HPRT1: variants seen among roughly 807,000 people sequenced by gnomAD.
The protein encoded by HPRT1 is hypoxanthine-guanine phosphoribosyltransferase.
In HPRT1, 4 loss-of-function variants were observed where a neutral mutation model predicts 19.0. That is an observed-to-expected ratio of 0.21 (90% CI 0.10 to 0.48). HPRT1 has a LOEUF of 0.48. Ranked by LOEUF, HPRT1 falls within the 20% of genes least tolerant of loss-of-function variation. The pLI is 0.98. For synonymous variants in HPRT1, 53 were observed against 54.9 expected (o/e 0.97, Z 0.15); for missense variants, 65 against 164.0 (o/e 0.40, Z 3.30).
At chrX:134,471,473 C>G (rs1163068931) in intron 1 of HPRT1, among the ~76,000 whole-genome samples, 2 of 111,087 alleles carry the variant, frequency 1.8e-5, no homozygotes, top group Non-Finnish European at 3.8e-5. Flanking sequence ...ATTAGAGTAT[C>G]TTTTATGATG....
At chrX:134,466,314 A>G (rs1276506912) in intron 1 of HPRT1, among the ~76,000 whole-genome samples, 1 of 108,044 alleles carries the variant, frequency 9.3e-6, no homozygotes, top group Non-Finnish European at 1.9e-5. Context: ...GCTACTCGGG[A>G]GGGTGAGGCA....
intron 1 of HPRT1, among the ~76,000 whole-genome samples, chrX:134,465,418 A>G (rs1260707567): frequency 9.0e-6 from 1 of 111,557 alleles, no homozygotes; most frequent in Admixed American, 9.6e-5. Flanking sequence ...GACGTGCATA[A>G]TTATTAGTAA....
At chrX:134,475,959 C>T (rs887565394) in intron 3 of HPRT1, among the ~76,000 whole-genome samples, 1 of 111,916 alleles carries the variant, frequency 8.9e-6, no homozygotes, top group Admixed American at 9.5e-5. Context: ...TAGTGAATTT[C>T]ATTCATAATT....
intron 2 of HPRT1, 97 bp downstream of exon 2, chrX:134,473,562 G>T: frequency 1.9e-6 from 1 of 535,554 alleles, no homozygotes; most frequent in South Asian, 2.6e-5. Flanking sequence ...ACATAAACTA[G>T]GCCAACTTAT....
At chrX:134,480,591 G>A (rs1243434146) in intron 3 of HPRT1, among the ~76,000 whole-genome samples, 3 of 102,468 alleles carry the variant, frequency 2.9e-5, no homozygotes, top group East Asian at 6.3e-4. Flanking sequence ...CTACAAGTGC[G>A]TGCCATCACC....
At chrX:134,482,364 A>G (rs148109826) in intron 3 of HPRT1, among the ~76,000 whole-genome samples, 177 of 112,430 alleles carry the variant, frequency 1.6e-3, no homozygotes, top group African/African-American at 5.4e-3. Context: ...AGAAAATACC[A>G]GGTTTTTAAG....
Position 134,500,016 on chromosome X carries a change from ATT to A in HPRT1, c.610-6_610-5del, listed in dbSNP as rs749375059. 2 of 1,101,945 alleles carry A rather than the reference ATT, an allele frequency of 1.8e-6. No homozygotes were observed. Among genetic ancestry groups the A allele is most frequent in the Admixed American group, 4.4e-5 (2 of 45,413 alleles). The allele number at this position is 1,101,945 out of a possible 1,213,427, so 90.8% of individuals were successfully genotyped here. A position where few individuals can be genotyped will look rare whatever the true frequency, so the allele number is the denominator to read the frequency against. ...ATACTTTTTAAATGTGAATTTCTGGATTTTTTTTTATAGCATGTTTGTGTCAT... is the reference window on the plus strand; with the variant it reads ...ATACTTTTTAAATGTGAATTTCTGGATTTTTTTATAGCATGTTTGTGTCAT... On this transcript the variant is annotated splice_polypyrimidine_tract_variant and intron_variant, in intron 8 of 8. Coordinates refer to ENST00000298556, the MANE Select transcript of HPRT1 (RefSeq NM_000194.3).
chrX:134,481,503 ATCTCTATC>A (rs757947607), intron 3 of HPRT1, among the ~76,000 whole-genome samples: 4 of 85,303 alleles, frequency 4.7e-5, no homozygotes, highest in African/African-American at 8.9e-5. Flanking sequence ...CTATCTGTCT[ATCTCTATC>A]TATCTATCTA....
intron 1 of HPRT1, among the ~76,000 whole-genome samples, chrX:134,467,041 C>CT (rs779817345): frequency 0.27 from 16,240 of 60,651 alleles, 3,240 homozygotes; most frequent in East Asian, 0.34. Context: ...AGATTTTAAG[C>CT]TTTTTTTTTT....
chrX:134,499,630 C>G (rs1014463772), intron 8 of HPRT1, among the ~76,000 whole-genome samples: 3 of 110,419 alleles, frequency 2.7e-5, no homozygotes, highest in African/African-American at 9.9e-5. Context: ...CGGTGAAACC[C>G]CGTCTCTACT....
chrX:134,471,137 A>G (rs1287016365), intron 1 of HPRT1, among the ~76,000 whole-genome samples: 2 of 110,063 alleles, frequency 1.8e-5, no homozygotes, highest in East Asian at 2.8e-4. Flanking sequence ...TTATATGTAT[A>G]TATAAAAACG....
At chrX:134,490,531 G>C (rs2077663723) in intron 5 of HPRT1, among the ~76,000 whole-genome samples, 1 of 102,862 alleles carries the variant, frequency 9.7e-6, no homozygotes, top group Non-Finnish European at 2.0e-5. Flanking sequence ...CTTAGATTTT[G>C]TCTTATGTAA....
In HPRT1 at chrX:134,475,307, A is replaced by G; in HGVS notation, c.261A>G (p.Arg87=). 1.7e-6 allele frequency: 2 copies of G among 1,198,591 alleles called. No individual in the cohort carries two copies. Among genetic ancestry groups the G allele is most frequent in the South Asian group, 3.5e-5 (2 of 56,714 alleles). The change falls in exon 3 of 9, where the codon AGA becomes AGG. Residue 87 remains arginine, a synonymous_variant. Transcript: ENST00000298556. The part of the protein sequence containing the change: ...DLLDYIKALN[R]NSDRSIPMTV... ...TGGATTACATCAAAGCACTGAATAGAAATAGTGATAGATCCATTCCTATGA... is the reference window on the plus strand; with the variant it reads ...TGGATTACATCAAAGCACTGAATAGGAATAGTGATAGATCCATTCCTATGA...
chrX:134,493,461 A>C, intron 5 of HPRT1, 47 bp from the exon 6 acceptor site: 1 of 917,910 alleles, frequency 1.1e-6, no homozygotes, highest in Non-Finnish European at 1.6e-6. Flanking sequence ...GGTACTTTAT[A>C]TTGTGACTCT....
At chrX:134,482,056 T>C (rs1432017423) in intron 3 of HPRT1, among the ~76,000 whole-genome samples, 1 of 111,749 alleles carries the variant, frequency 8.9e-6, no homozygotes, top group African/African-American at 3.3e-5. Context: ...GTTTGTTTTT[T>C]GTTTTTTTCT....
chrX:134,489,802 T>C (rs1388619528), intron 4 of HPRT1, among the ~76,000 whole-genome samples: 2 of 111,626 alleles, frequency 1.8e-5, no homozygotes, highest in African/African-American at 6.5e-5. Flanking sequence ...TTTTGAGTTA[T>C]TGTACAAATA....
chrX:134,466,145 C>T (rs745850844), intron 1 of HPRT1, among the ~76,000 whole-genome samples: 2 of 110,415 alleles, frequency 1.8e-5, no homozygotes, highest in African/African-American at 6.6e-5. Flanking sequence ...CCAGGACGGG[C>T]GCAGTGGCTC....
At chrX:134,475,925 A>G (rs2077624210) in intron 3 of HPRT1, among the ~76,000 whole-genome samples, 1 of 112,349 alleles carries the variant, frequency 8.9e-6, no homozygotes, top group Non-Finnish European at 1.9e-5. Flanking sequence ...ACTGTGGATG[A>G]AACAAAATCA....
At chrX:134,490,251 C>T in intron 5 of HPRT1, 46 bp downstream of exon 5, 1 of 775,937 alleles carries the variant, frequency 1.3e-6, no homozygotes, top group Non-Finnish European at 1.9e-6. Flanking sequence ...ACTTTTCTAA[C>T]TTAGTATGCA....
Sources: allele counts gnomAD v4.1 joint callset (sites outside exome capture counted in the v4.1 genomes callset), GRCh38; gene constraint gnomAD v4.1.1; transcripts MANE v1.5; gene names NCBI Gene and HGNC (gene_info 2026-07-23, HGNC 2026-07-21).